The following ZDHHC24 variants were observed in gnomAD, a reference collection of about 807,000 sequenced individuals.
ZDHHC24 encodes the protein probable palmitoyltransferase ZDHHC24.
A neutral mutation model predicts 23.2 loss-of-function variants in ZDHHC24; 17 were observed. That is an observed-to-expected ratio of 0.73 (90% CI 0.50 to 1.10). The LOEUF is 1.10. ZDHHC24 is among the 50% of genes least tolerant of loss of function. The pLI, the probability that ZDHHC24 is intolerant of heterozygous loss-of-function variation, is 0.00. For synonymous variants in ZDHHC24, 186 were observed against 194.5 expected, an observed-to-expected ratio of 0.96 and a Z score of 0.36; for missense variants, 366 against 393.0, an observed-to-expected ratio of 0.93 and a Z score of 0.58.
chr11:66,523,505 G>A, intron 4 of ZDHHC24: 1 of 1,614,078 alleles, frequency 6.2e-7, no homozygotes, highest in Non-Finnish European at 8.5e-7. Flanking sequence ...CCAGCCTGTG[G>A]GACTTATCCG....
chr11:66,521,321 G>A (rs748471738), exon 5 of ZDHHC24: 3 of 1,614,240 alleles, frequency 1.9e-6, no homozygotes, highest in South Asian at 1.1e-5. Context: ...CCAGTTTGAT[G>A]TTGAGTTCCG....
chr11:66,533,028 C>T (rs558301507), downstream of ZDHHC24: 1 of 152,278 alleles, frequency 6.6e-6, no homozygotes, highest in Non-Finnish European at 1.5e-5. Context: ...CTTGTCATAG[C>T]TATTTCTGAG....
rs920221331 is a variant in ZDHHC24 at position 66,539,451 on chromosome 11, C to T, written c.*78G>A. ...CCAATGCAGATGTTAAGGTCCAACC[C>T]GACTTCCTTACTGAGTCTAGGTGTG... On this transcript the variant is annotated 3_prime_UTR_variant, in exon 3 of 3. Coordinates refer to ENST00000310442, the MANE Select transcript of ZDHHC24 (RefSeq NM_207340.3). The T allele has an allele frequency of 1.0e-5, 15 of 1,441,836 alleles. No individual in the cohort carries two copies. Among genetic ancestry groups the T allele is most frequent in the Admixed American group, 2.9e-5 (1 of 34,646 alleles). The allele number at this position is 1,441,836 out of a possible 1,614,324, so 89.3% of individuals were successfully genotyped here.
At chr11:66,542,587 C>T (rs1857183412) in intron 2 of ZDHHC24, 1 of 152,826 alleles carries the variant, frequency 6.5e-6, no homozygotes, top group African/African-American at 2.4e-5. Flanking sequence ...TTTTTGGATT[C>T]TGACCAGGAC....
At chr11:66,544,393 A>C (rs1166481570) in intron 1 of ZDHHC24, among the ~76,000 whole-genome samples, 3 of 150,972 alleles carry the variant, frequency 2.0e-5, no homozygotes, top group Admixed American at 1.3e-4. Flanking sequence ...TCTGCTTAAA[A>C]CCCTCCTGTG....
chr11:66,536,263 C>T lies in ZDHHC24; in HGVS notation c.*3266G>A, dbSNP rs1025658684. 1.3e-5 allele frequency: 2 copies of T among 152,326 alleles called. No individual in the cohort carries two copies. The highest frequency in any genetic ancestry group is 1.5e-5 in the Non-Finnish European group (1 of 68,192). The allele number at this position is 152,326 out of a possible 1,614,324, so 9.4% of individuals were successfully genotyped here. The stretch of plus-strand genomic sequence containing the variant: ...GTAGCTCCTCACTAATTAAAAACAA[C>T]AACAACAACGAGTCCAGGCATGGTG... On this transcript the variant is annotated 3_prime_UTR_variant, in exon 3 of 3. Coordinates refer to ENST00000310442, the MANE Select transcript of ZDHHC24 (RefSeq NM_207340.3).
downstream of ZDHHC24, among the ~76,000 whole-genome samples, chr11:66,534,868 C>T (rs369484461): frequency 6.6e-6 from 1 of 150,688 alleles, no homozygotes; most frequent in Admixed American, 6.6e-5. Context: ...GCTAATTTTT[C>T]GTATTTTTAG....
At chr11:66,540,905 T>C (rs1243423991) in intron 2 of ZDHHC24, among the ~76,000 whole-genome samples, 4 of 152,144 alleles carry the variant, frequency 2.6e-5, no homozygotes, top group Non-Finnish European at 5.9e-5. Context: ...ATCCCACTTA[T>C]GTGAAACATC....
Position 66,523,717 on chromosome 11 carries a change from C to G in ZDHHC24, c.*22-2251G>C, listed in dbSNP as rs1590767187. On this transcript the variant is annotated intron_variant, in intron 4 of 4. Coordinates refer to the ZDHHC24 transcript ENST00000526986. ...GCCCTCCACAGACGCTGGCTGTTCCCTGCCAGGGGAAGAAGCTGTGGACAG... is the reference window on the plus strand; with the variant it reads ...GCCCTCCACAGACGCTGGCTGTTCCGTGCCAGGGGAAGAAGCTGTGGACAG... 1.2e-5 allele frequency: 20 copies of G among 1,610,938 alleles called. No homozygotes were observed. Among genetic ancestry groups the G allele is most frequent in the Non-Finnish European group, 1.5e-5 (18 of 1,179,986 alleles).
At chr11:66,523,797 G>A in intron 4 of ZDHHC24, 2 of 1,613,586 alleles carry the variant, frequency 1.2e-6, no homozygotes, top group Non-Finnish European at 1.7e-6. Context: ...CATTCCCGGG[G>A]CCTGCAGGCC....
intron 2 of ZDHHC24, chr11:66,529,853 G>C: frequency 1.2e-6 from 2 of 1,610,870 alleles, no homozygotes; most frequent in African/African-American, 1.3e-5. Context: ...ACCTATACCT[G>C]CTGCGCCTAC....
intron 4 of ZDHHC24, chr11:66,526,098 A>C: frequency 6.2e-7 from 1 of 1,613,510 alleles, no homozygotes. Flanking sequence ...TATTTCCCCA[A>C]CTAAACTCTG....
chr11:66,528,545 G>T (rs1365728135), intron 3 of ZDHHC24, among the ~76,000 whole-genome samples: 1 of 152,190 alleles, frequency 6.6e-6, no homozygotes, highest in African/African-American at 2.4e-5. Context: ...GGCAGGATTA[G>T]GAAGTCCAGA....
rs773785077 is a variant in ZDHHC24 at position 66,543,934 on chromosome 11, C to T, written c.329G>A (p.Cys110Tyr). Reference protein sequence around the residue: ...QSQVPPRSGHCSACRVCILRR... With the variant: ...QSQVPPRSGHYSACRVCILRR... ...CAGGATGCAGACGCGGCAGGCAGAGCAGTGTCCGCTGCGTGGCGGCACCTG... is the reference window on the plus strand; with the variant it reads ...CAGGATGCAGACGCGGCAGGCAGAGTAGTGTCCGCTGCGTGGCGGCACCTG... Residue 110 changes from cysteine to tyrosine, a missense_variant, in exon 2 of 3, where the codon TGC (cysteine) becomes TAC (tyrosine). Transcript: ENST00000310442. The T allele has an allele frequency of 6.2e-7, 1 of 1,613,850 alleles. No individual in the cohort carries two copies. Among genetic ancestry groups the T allele is most frequent in the Non-Finnish European group, 8.5e-7 (1 of 1,179,860 alleles).
In ZDHHC24 at chr11:66,543,853, C is replaced by G; in HGVS notation, c.410G>C (p.Arg137Pro). 1 of 1,613,866 alleles carries G rather than the reference C, an allele frequency of 6.2e-7. No individual in the cohort carries two copies. Among genetic ancestry groups the G allele is most frequent in the Non-Finnish European group, 8.5e-7 (1 of 1,179,858 alleles). ...ATGAAGCAGCAGGCACAGGAAGGGCCGGTAGTTGCCGAAGCCCACGCAGCG... is the reference window on the plus strand; with the variant it reads ...ATGAAGCAGCAGGCACAGGAAGGGCGGGTAGTTGCCGAAGCCCACGCAGCG... ...LGRCVGFGNY[R>P]PFLCLLLHAA... Residue 137 changes from arginine to proline, a missense_variant, in exon 2 of 3, where the codon CGG (arginine) becomes CCG (proline). Arg to Pro is a moderately radical substitution (Grantham distance 103). Coordinates refer to ENST00000310442, the MANE Select transcript of ZDHHC24 (RefSeq NM_207340.3).
chr11:66,540,261 A>C (rs992045232), intron 2 of ZDHHC24, among the ~76,000 whole-genome samples: 4 of 152,078 alleles, frequency 2.6e-5, no homozygotes, highest in Admixed American at 2.6e-4. Flanking sequence ...CTACTAAAAA[A>C]TACAAAAATT....
At chr11:66,527,102 C>T in intron 3 of ZDHHC24, 1 of 1,323,788 alleles carries the variant, frequency 7.6e-7, no homozygotes, top group Non-Finnish European at 1.0e-6. Flanking sequence ...TTTGACTGGG[C>T]ATGGTGGCTC....
At chr11:66,540,878 A>G (rs1815918874) in intron 2 of ZDHHC24, among the ~76,000 whole-genome samples, 1 of 151,836 alleles carries the variant, frequency 6.6e-6, no homozygotes, top group African/African-American at 2.4e-5. Context: ...CCAGGCACCA[A>G]AGGTCACATG....
In ZDHHC24 at chr11:66,523,885, G is replaced by C. The variant is rs762276925; in HGVS notation, c.*22-2419C>G. ...TGCTCAATGTCATCCACACCCCGGT[G>C]AGCCCCATCTCCGGCATCTGCCACT... is the stretch of plus-strand genomic sequence containing the variant. On this transcript the variant is annotated intron_variant, in intron 4 of 4. Transcript: ENST00000526986. 3 of 1,612,828 alleles carry C rather than the reference G, an allele frequency of 1.9e-6. No homozygotes were observed. Among genetic ancestry groups the C allele is most frequent in the Non-Finnish European group, 2.5e-6 (3 of 1,180,028 alleles).
Sources: allele counts gnomAD v4.1 joint callset (sites outside exome capture counted in the v4.1 genomes callset), GRCh38; gene constraint gnomAD v4.1.1; transcripts MANE v1.5; gene names NCBI Gene and HGNC (gene_info 2026-07-23, HGNC 2026-07-21).